KIRREL3: variants seen among roughly 807,000 people sequenced by gnomAD.
KIRREL3 encodes the protein kin of IRRE-like protein 3.
KIRREL3 carries 36 observed loss-of-function variants against 89.7 expected under a neutral mutation model. The observed-to-expected ratio is 0.40, with a 90% CI of 0.31 to 0.53. The LOEUF is 0.53. Among genes scored for constraint, KIRREL3 ranks in the 20% least tolerant of loss-of-function variants. KIRREL3 has a pLI of 0.49. For missense variants in KIRREL3, 864 were observed against 1,056.6 expected (o/e 0.82, Z 2.53); for synonymous variants, 445 against 441.4 (o/e 1.01, Z -0.10).
At chr11:126,716,901 T>C (rs2134160383) in intron 1 of KIRREL3, among the ~76,000 whole-genome samples, 1 of 152,152 alleles carries the variant, frequency 6.6e-6, no homozygotes, top group African/African-American at 2.4e-5. Context: ...GCTGACTCAT[T>C]TGCCCTGGTT....
At chr11:126,793,811 A>C (rs1950720183) in intron 1 of KIRREL3, among the ~76,000 whole-genome samples, 1 of 152,226 alleles carries the variant, frequency 6.6e-6, no homozygotes, top group Non-Finnish European at 1.5e-5. Flanking sequence ...GCAGAGGTGA[A>C]GAACTCGCGT....
rs1234872084 is a variant in KIRREL3, at chr11:126,736,207, C to T, written c.56-173295G>A. On this transcript the variant is annotated intron_variant, in intron 1 of 16. Transcript: ENST00000525144. The surrounding 1 kb of genome is among the most constrained non-coding windows in gnomAD (Gnocchi z 5.0). Reference sequence around the variant, plus strand: ...TCTGGTTTACTTTCAATTGTAGTCACAGCAATAATAGCACCATTTATGGGG... The same window carrying T: ...TCTGGTTTACTTTCAATTGTAGTCATAGCAATAATAGCACCATTTATGGGG... 1.3e-5 allele frequency among the ~76,000 whole-genome samples: 2 copies of T among 152,178 alleles called. No individual in the cohort carries two copies. Among genetic ancestry groups the T allele is most frequent in the East Asian group, 3.8e-4 (2 of 5,196 alleles).
chr11:126,856,043 C>T lies in KIRREL3; in HGVS notation c.55+144412G>A, dbSNP rs188156668. ...GCCTAGTATTTCCCAAAGTTGGTTC[C>T]TGGGATGAAAGTCCCTAAAATGCAC... On this transcript the variant is annotated intron_variant, in intron 1 of 16. Coordinates refer to ENST00000525144, the MANE Select transcript of KIRREL3 (RefSeq NM_032531.4). Among the ~76,000 whole-genome samples the T allele has an allele frequency of 1.3e-3, 200 of 152,292 alleles. 1 individual carries two copies. Among genetic ancestry groups the T allele is most frequent in the Admixed American group, 1.4e-3 (21 of 15,304 alleles).
chr11:126,875,821 C>T (rs1945265161), intron 1 of KIRREL3, among the ~76,000 whole-genome samples: 1 of 152,110 alleles, frequency 6.6e-6, no homozygotes, highest in Non-Finnish European at 1.5e-5. Context: ...TTTGTATCTA[C>T]ATAATAAAAA....
In KIRREL3 at chr11:126,924,614, A is replaced by C. The variant is rs551063673; in HGVS notation, c.55+75841T>G. On this transcript the variant is annotated intron_variant, in intron 1 of 16. Coordinates refer to ENST00000525144, the MANE Select transcript of KIRREL3 (RefSeq NM_032531.4). The surrounding 1 kb of genome is among the most constrained non-coding windows in gnomAD (Gnocchi z 4.7). Reference sequence around the variant, plus strand: ...AAGGCCCCAGAGTAGTCTTGATTTAAAGGCAGGGCTGTTGGGGGATTTGGA... The same window carrying C: ...AAGGCCCCAGAGTAGTCTTGATTTACAGGCAGGGCTGTTGGGGGATTTGGA... Among the ~76,000 whole-genome samples, 8 of 152,262 alleles carry C rather than the reference A, an allele frequency of 5.3e-5. No homozygotes were observed. The highest frequency in any genetic ancestry group is 1.9e-4 in the African/African-American group (8 of 41,560).
intron 7 of KIRREL3, among the ~76,000 whole-genome samples, chr11:126,451,329 A>AGCGAGTGTGTGCATGT (rs1956131084): frequency 2.1e-5 from 1 of 46,550 alleles, no homozygotes; most frequent in Admixed American, 2.5e-4. Context: ...TGTGTGCATT[A>AGCGAGTGTGTGCATGT]GTGAGTGTGT....
Position 126,562,996 on chromosome 11 carries a change from C to A in KIRREL3, c.56-84G>T, listed in dbSNP as rs1940244638. 3.4e-6 allele frequency: 3 copies of A among 887,210 alleles called. No homozygotes were observed. The highest frequency in any genetic ancestry group is 5.0e-5 in the East Asian group (2 of 39,706). 55.0% of individuals were successfully genotyped at this position (887,210 alleles called of 1,614,324 possible). On this transcript the variant is annotated intron_variant, in intron 1 of 16. Coordinates refer to ENST00000525144, the MANE Select transcript of KIRREL3 (RefSeq NM_032531.4). This position sits in a 1 kb window ranked among gnomAD's most constrained non-coding sequence, Gnocchi z 4.7. ...GGGCCCTCTGCAGGGGGCTGTGGAG[C>A]TTGTTGCTCTTATAAACAGAGGTGC...
At chr11:126,451,292 G>GTA (rs1956124173) in intron 7 of KIRREL3, among the ~76,000 whole-genome samples, 2 of 150,280 alleles carry the variant, frequency 1.3e-5, no homozygotes, top group African/African-American at 2.4e-5. Flanking sequence ...GTGCGTGTGT[G>GTA]CATGTGTGCA....
chr11:126,652,909 CAAG>C lies in KIRREL3; in HGVS notation c.56-90000_56-89998del, dbSNP rs1375205339. The C allele has an allele frequency of 6.6e-6, 1 of 152,114 alleles. No homozygotes were observed. Among genetic ancestry groups the C allele is most frequent in the Non-Finnish European group, 1.5e-5 (1 of 68,026 alleles). The allele number at this position is 152,114 out of a possible 1,614,324, so 9.4% of individuals were successfully genotyped here. A position where few individuals can be genotyped will look rare whatever the true frequency, so the allele number is the denominator to read the frequency against. On this transcript the variant is annotated intron_variant, in intron 1 of 16. Coordinates refer to ENST00000525144, the MANE Select transcript of KIRREL3 (RefSeq NM_032531.4). This position sits in a 1 kb window ranked among gnomAD's most constrained non-coding sequence, Gnocchi z 4.9. Reference sequence around the variant, plus strand: ...AGAAAAAGCCCTACAAGGATTAATGCAAGAAGAAGTTCTGCTTTGGGTGAGACA... The same window carrying C: ...AGAAAAAGCCCTACAAGGATTAATGCAAGAAGTTCTGCTTTGGGTGAGACA...
chr11:126,587,646 C>A lies in KIRREL3; in HGVS notation c.56-24734G>T, dbSNP rs552714825. ...ATAAAAATCCGGCTGCACTTTATCT[C>A]GCTGAAGGACTGTAATCTGGGAGAT... On this transcript the variant is annotated intron_variant, in intron 1 of 16. Transcript: ENST00000525144. This position sits in a 1 kb window ranked among gnomAD's most constrained non-coding sequence, Gnocchi z 5.2. Among the ~76,000 whole-genome samples the A allele has an allele frequency of 6.6e-6, 1 of 152,194 alleles. No homozygotes were observed. The highest frequency in any genetic ancestry group is 1.5e-5 in the Non-Finnish European group (1 of 68,044).
At chr11:126,630,357 C>G (rs1194823233) in intron 1 of KIRREL3, among the ~76,000 whole-genome samples, 1 of 152,132 alleles carries the variant, frequency 6.6e-6, no homozygotes, top group African/African-American at 2.4e-5. Flanking sequence ...AGTGACTTAC[C>G]CAGAATCTAA....
intron 1 of KIRREL3, among the ~76,000 whole-genome samples, chr11:126,800,724 C>T (rs187419745): frequency 6.6e-6 from 1 of 152,312 alleles, no homozygotes; most frequent in East Asian, 1.9e-4. Context: ...TCCTGGCACA[C>T]AAACAGGCCA....
chr11:126,921,616 ATCT>A (rs1235025828), intron 1 of KIRREL3, among the ~76,000 whole-genome samples: 1 of 46,158 alleles, frequency 2.2e-5, no homozygotes, highest in Non-Finnish European at 3.9e-5. Context: ...CTATCTATCT[ATCT>A]ATCTTCCTAT....
chr11:126,759,178 A>T (rs976831718), intron 1 of KIRREL3, among the ~76,000 whole-genome samples: 9 of 152,216 alleles, frequency 5.9e-5, no homozygotes, highest in African/African-American at 1.2e-4. Context: ...GCTGGAGTGC[A>T]GCGGCTCATG....
chr11:126,452,335 G>A (rs901477397), intron 7 of KIRREL3, among the ~76,000 whole-genome samples: 2 of 152,226 alleles, frequency 1.3e-5, no homozygotes, highest in African/African-American at 2.4e-5. Flanking sequence ...CCCTGCCTGC[G>A]GCAAATGAAT....
chr11:126,984,616 C>A (rs1949807000), intron 1 of KIRREL3, among the ~76,000 whole-genome samples: 1 of 152,186 alleles, frequency 6.6e-6, no homozygotes. Flanking sequence ...AAGAGAGGGC[C>A]TCAGTCAAGA....
intron 1 of KIRREL3, among the ~76,000 whole-genome samples, chr11:126,856,069 C>T (rs1272273180): frequency 6.6e-6 from 1 of 152,116 alleles, no homozygotes; most frequent in Non-Finnish European, 1.5e-5. Flanking sequence ...TAAAATGCAC[C>T]TTTCAAAAAG....
At chr11:126,657,846 A>T (rs936401324) in intron 1 of KIRREL3, among the ~76,000 whole-genome samples, 1 of 152,258 alleles carries the variant, frequency 6.6e-6, no homozygotes, top group Middle Eastern at 3.4e-3. Flanking sequence ...GTTTTCAGAG[A>T]AATTCCAATC....
intron 1 of KIRREL3, among the ~76,000 whole-genome samples, chr11:126,951,728 T>C (rs1948778932): frequency 6.6e-6 from 1 of 152,138 alleles, no homozygotes; most frequent in African/African-American, 2.4e-5. Flanking sequence ...TTTGTTAATA[T>C]ATGAGATGCT....
Sources: allele counts gnomAD v4.1 joint callset (sites outside exome capture counted in the v4.1 genomes callset), GRCh38; gene constraint gnomAD v4.1.1; non-coding constraint Gnocchi (gnomAD v3.1); transcripts MANE v1.5; gene names NCBI Gene and HGNC (gene_info 2026-07-23, HGNC 2026-07-21).